The following SLC9A4 variants were observed in gnomAD, a reference collection of about 807,000 sequenced individuals.
SLC9A4 encodes sodium/hydrogen exchanger 4.
SLC9A4 carries 63 observed loss-of-function variants against 67.4 expected under a neutral mutation model. The observed-to-expected ratio is 0.93, with a 90% confidence interval of 0.76 to 1.15. The LOEUF is 1.15. Among genes scored for constraint, SLC9A4 ranks in the 50% most tolerant of loss-of-function variants. SLC9A4 has a pLI of 0.00. For synonymous variants in SLC9A4, 393 were observed against 367.2 expected (o/e 1.07, Z -0.80); for missense variants, 1,089 against 987.7 (o/e 1.10, Z -1.38).
chr2:102,503,911 C>T (rs866986534), intron 3 of SLC9A4, among the ~76,000 whole-genome samples: 9 of 152,202 alleles, frequency 5.9e-5, no homozygotes, highest in African/African-American at 1.9e-4. Flanking sequence ...CCTTCATCTT[C>T]TTGTGATTTG....
rs73944359 is a variant in SLC9A4 at position 102,485,424 on chromosome 2, G to T, written c.720+6122G>T. On this transcript the variant is annotated intron_variant, in intron 2 of 11. Transcript: ENST00000295269. ...TTGCAATTTGCCCTCTATTTATTGT[G>T]GATTCTTGCTGCCAGCATTAGATTC... Among the ~76,000 whole-genome samples the T allele has an allele frequency of 5.4e-3, 828 of 152,244 alleles. 17 individuals are homozygous for T. Among genetic ancestry groups the T allele is most frequent in the African/African-American group, 0.019 (796 of 41,538 alleles).
intron 1 of SLC9A4, among the ~76,000 whole-genome samples, chr2:102,475,018 G>T (rs752967334): frequency 1.3e-5 from 2 of 152,176 alleles, no homozygotes; most frequent in African/African-American, 2.4e-5. Flanking sequence ...TGGGTGTGGG[G>T]ACACTGGTAT....
intron 8 of SLC9A4, among the ~76,000 whole-genome samples, chr2:102,517,721 C>T (rs1916307): frequency 0.81 from 123,595 of 152,214 alleles, 50,940 homozygotes; most frequent in African/African-American, 0.95. Flanking sequence ...TGTACAACTA[C>T]TATGTATCAA....
chr2:102,488,703 CACGCCCGGCTAATTTT>C (rs1263668843), intron 2 of SLC9A4, among the ~76,000 whole-genome samples: 1 of 152,100 alleles, frequency 6.6e-6, no homozygotes, highest in Non-Finnish European at 1.5e-5. Context: ...TGCCCACCAC[CACGCCCGGCTAATTTT>C]TGTATTTTTA....
At chr2:102,488,730 G>T (rs1295317985) in intron 2 of SLC9A4, among the ~76,000 whole-genome samples, 1 of 151,770 alleles carries the variant, frequency 6.6e-6, no homozygotes, top group Non-Finnish European at 1.5e-5. Context: ...TGTATTTTTA[G>T]TAGAGACAGG....
At chr2:102,522,850 T>C (rs1674553917) in intron 9 of SLC9A4, among the ~76,000 whole-genome samples, 1 of 152,186 alleles carries the variant, frequency 6.6e-6, no homozygotes, top group African/African-American at 2.4e-5. Context: ...TTGGGGCAAA[T>C]TCTTGTCAGA....
intron 3 of SLC9A4, among the ~76,000 whole-genome samples, chr2:102,504,785 C>T (rs1685014059): frequency 6.6e-6 from 1 of 152,142 alleles, no homozygotes; most frequent in Non-Finnish European, 1.5e-5. Flanking sequence ...GGCTCTAGAA[C>T]AGAAATATTT....
At chr2:102,488,137 C>A (rs1684625377) in intron 2 of SLC9A4, among the ~76,000 whole-genome samples, 1 of 152,086 alleles carries the variant, frequency 6.6e-6, no homozygotes, top group Non-Finnish European at 1.5e-5. Context: ...CAAGCACAGC[C>A]TGGGGACTTT....
chr2:102,490,653 C>G (rs1046668728), intron 2 of SLC9A4, among the ~76,000 whole-genome samples: 3 of 152,036 alleles, frequency 2.0e-5, no homozygotes, highest in African/African-American at 7.3e-5. Flanking sequence ...CGTAGCTGAC[C>G]CCTCAGGAAC....
At chr2:102,517,090 C>T (rs1685289989) in intron 8 of SLC9A4, among the ~76,000 whole-genome samples, 1 of 152,282 alleles carries the variant, frequency 6.6e-6, no homozygotes, top group Non-Finnish European at 1.5e-5. Flanking sequence ...GGTTCTGATG[C>T]CATTTTTCAC....
chr2:102,497,926 C>T (rs1684845478), intron 2 of SLC9A4, among the ~76,000 whole-genome samples: 1 of 152,178 alleles, frequency 6.6e-6, no homozygotes, highest in African/African-American at 2.4e-5. Context: ...TTGTGTGAGT[C>T]TCTGTGTGTT....
intron 2 of SLC9A4, among the ~76,000 whole-genome samples, chr2:102,494,289 T>C (rs1229866140): frequency 6.6e-6 from 1 of 151,850 alleles, no homozygotes; most frequent in African/African-American, 2.4e-5. Context: ...GCCAAAAGTA[T>C]ACTGTAAAAA....
At chr2:102,518,188 C>A (rs13395666) in intron 8 of SLC9A4, among the ~76,000 whole-genome samples, 3 of 152,186 alleles carry the variant, frequency 2.0e-5, no homozygotes, top group African/African-American at 4.8e-5. Flanking sequence ...CTAAGTTCGT[C>A]CCCCCCAAAG....
intron 2 of SLC9A4, 103 bp from the exon 3 acceptor site, chr2:102,503,345 T>C (rs1228196175): frequency 9.2e-7 from 1 of 1,090,112 alleles, no homozygotes; most frequent in African/African-American, 1.6e-5. Context: ...GTGTAATTTA[T>C]TTTTGTGTAT....
At chr2:102,509,524 C>T (rs529762427) in intron 6 of SLC9A4, among the ~76,000 whole-genome samples, 140 of 152,336 alleles carry the variant, frequency 9.2e-4, no homozygotes, top group African/African-American at 3.1e-3. Flanking sequence ...CCACAGTCTG[C>T]CGTCTGTCTC....
At chr2:102,478,219 G>A (rs1684373581) in intron 1 of SLC9A4, among the ~76,000 whole-genome samples, 1 of 152,154 alleles carries the variant, frequency 6.6e-6, no homozygotes, top group African/African-American at 2.4e-5. Flanking sequence ...AAAGGCAGTG[G>A]CCAAAGAAAT....
Position 102,525,075 on chromosome 2 carries a change from G to A in SLC9A4, c.1870G>A (p.Ala624Thr), listed in dbSNP as rs777542888. 5.0e-6 allele frequency: 8 copies of A among 1,613,904 alleles called. No homozygotes were observed. Among genetic ancestry groups the A allele is most frequent in the Non-Finnish European group, 6.8e-6 (8 of 1,179,990 alleles). Residue 624 changes from alanine to threonine, a missense_variant, in exon 10 of 12, where the codon GCT becomes ACT. By Grantham distance (58) the Ala-to-Thr change is moderately conservative. Transcript: ENST00000295269. The stretch of plus-strand genomic sequence containing the variant: ...CAAACCCCAAACAAGTGAGAAGCAG[G>A]CTAAAGAGATTCTGATCCGCCGCCA... ...NLKPQTSEKQ[A>T]KEILIRRQNT...
chr2:102,503,549 G>A lies in SLC9A4; in HGVS notation c.822G>A (p.Gly274=). Reference sequence around the variant, plus strand: ...GATGTGCCCGATTCATCGTTGTGGGGCTTGGAGGGGTATTGTTTGGCATCG... The same window carrying A: ...GATGTGCCCGATTCATCGTTGTGGGACTTGGAGGGGTATTGTTTGGCATCG... ...LAGCARFIVV[G]LGGVLFGIVF... Residue 274 remains glycine, a synonymous_variant, in exon 3 of 12, where the codon GGG becomes GGA. Transcript: ENST00000295269. The A allele has an allele frequency of 6.2e-7, 1 of 1,614,138 alleles. No homozygotes were observed. Among genetic ancestry groups the A allele is most frequent in the African/African-American group, 1.3e-5 (1 of 75,026 alleles).
In SLC9A4 at chr2:102,508,121, T is replaced by A. The variant is rs201414457; in HGVS notation, c.1241T>A (p.Phe414Tyr). Reference sequence around the variant, plus strand: ...TATATCAGTAACCAGTTTCGGACTTTCCCCTTCTCCATCAAGGACCAGTGC... The same window carrying A: ...TATATCAGTAACCAGTTTCGGACTTACCCCTTCTCCATCAAGGACCAGTGC... ...LFYISNQFRTFPFSIKDQCII... is the reference protein window; with the variant it reads ...LFYISNQFRTYPFSIKDQCII... Residue 414 changes from phenylalanine (F) to tyrosine (Y), a missense_variant, in exon 5 of 12, where the codon TTC (phenylalanine) becomes TAC (tyrosine). Phe to Tyr is a conservative substitution (Grantham distance 22). Transcript: ENST00000295269. The A allele has an allele frequency of 1.9e-4, 312 of 1,614,076 alleles. No individual in the cohort carries two copies. Among genetic ancestry groups the A allele is most frequent in the Non-Finnish European group, 2.6e-4 (307 of 1,180,038 alleles).
Sources: allele counts gnomAD v4.1 joint callset (sites outside exome capture counted in the v4.1 genomes callset), GRCh38; gene constraint gnomAD v4.1.1; transcripts MANE v1.5; gene names NCBI Gene and HGNC (gene_info 2026-07-23, HGNC 2026-07-21).